PRKCB: variants seen among roughly 807,000 people sequenced by gnomAD.
The protein encoded by PRKCB is protein kinase C beta type.
In PRKCB, 13 loss-of-function variants were observed where a neutral mutation model predicts 81.5. That is an observed-to-expected ratio of 0.16 (90% CI 0.10 to 0.25). The LOEUF is 0.25. Ranked by LOEUF, PRKCB falls within the 10% of genes least tolerant of loss-of-function variation. The pLI, the probability that PRKCB is intolerant of heterozygous loss-of-function variation, is 1.00. For synonymous variants in PRKCB, 335 were observed against 321.4 expected, an observed-to-expected ratio of 1.04 and a Z score of -0.45; for missense variants, 509 against 875.7, an observed-to-expected ratio of 0.58 and a Z score of 5.29.
chr16:24,214,483 A>G (rs969477789), intron 16 of PRKCB, among the ~76,000 whole-genome samples, 175 bp from the exon 17 acceptor site: 1 of 152,140 alleles, frequency 6.6e-6, no homozygotes, highest in African/African-American at 2.4e-5. Context: ...GGTCATGAGA[A>G]TTTTGCATTT....
chr16:24,174,190 T>G (rs968298972), intron 11 of PRKCB: 2 of 208,208 alleles, frequency 9.6e-6, no homozygotes, highest in African/African-American at 2.3e-5. Flanking sequence ...TTTTCTTTTA[T>G]TTTTAGTAGA....
At position 24,071,873 on chromosome 16, in the gene PRKCB, G is replaced by T. The variant is rs542496681; in HGVS notation, c.530-20918G>T. On this transcript the variant is annotated intron_variant, in intron 5 of 16. Transcript: ENST00000643927. The stretch of plus-strand genomic sequence containing the variant: ...CAGTAACCATGCCCAAGCCTTTGTG[G>T]AGTTAATGATCACAGTGGACACATT... 2.0e-5 allele frequency among the ~76,000 whole-genome samples: 3 copies of T among 152,234 alleles called. No individual in the cohort carries two copies. The East Asian group carries it at 5.8e-4, about 29-fold the overall frequency.
At chr16:24,146,597 G>A (rs1479858509) in intron 9 of PRKCB, among the ~76,000 whole-genome samples, 3 of 152,160 alleles carry the variant, frequency 2.0e-5, no homozygotes, top group South Asian at 4.1e-4. Context: ...GTCAGGGGCC[G>A]AGATTCCAGG....
intron 5 of PRKCB, among the ~76,000 whole-genome samples, chr16:24,058,509 T>G (rs1295938959): frequency 2.0e-5 from 3 of 152,142 alleles, no homozygotes; most frequent in Non-Finnish European, 4.4e-5. Flanking sequence ...GTAACCTTCA[T>G]GCCCTGTGAA....
chr16:24,180,682 G>A (rs1044016773), intron 12 of PRKCB, 108 bp from the exon 13 acceptor site: 8 of 1,348,092 alleles, frequency 5.9e-6, no homozygotes, highest in Non-Finnish European at 8.3e-6. Context: ...ACTGACCTTT[G>A]TGCCCACACA....
chr16:23,846,523 T>C (rs1177763259), intron 2 of PRKCB, among the ~76,000 whole-genome samples: 1 of 139,982 alleles, frequency 7.1e-6, no homozygotes, highest in Non-Finnish European at 1.5e-5. Flanking sequence ...GGCAGGAGAA[T>C]CGCTTGAACC....
At chr16:24,116,220 A>C (rs1202439293) in intron 8 of PRKCB, among the ~76,000 whole-genome samples, 1 of 152,088 alleles carries the variant, frequency 6.6e-6, no homozygotes, top group Non-Finnish European at 1.5e-5. Context: ...GTTTGTTGAA[A>C]GAAACAAACT....
intron 5 of PRKCB, among the ~76,000 whole-genome samples, chr16:24,043,626 A>G (rs1283936143): frequency 6.6e-6 from 1 of 152,114 alleles, no homozygotes; most frequent in Non-Finnish European, 1.5e-5. Flanking sequence ...GGGATACTGG[A>G]CCTAAGGAGA....
intron 5 of PRKCB, among the ~76,000 whole-genome samples, chr16:24,087,406 C>G (rs1423047531): frequency 2.0e-5 from 3 of 152,222 alleles, no homozygotes; most frequent in Non-Finnish European, 4.4e-5. Context: ...ATATTATTTA[C>G]TGTTTCCCCC....
intron 16 of PRKCB, among the ~76,000 whole-genome samples, chr16:24,208,757 G>A (rs1256576953): frequency 6.6e-6 from 1 of 152,146 alleles, no homozygotes; most frequent in Non-Finnish European, 1.5e-5. Flanking sequence ...AACTGATCTG[G>A]GCTGTGTCTC....
intron 4 of PRKCB, 142 bp downstream of exon 4, chr16:24,032,389 A>G (rs1965561331): frequency 1.7e-6 from 1 of 580,792 alleles, no homozygotes; most frequent in Non-Finnish European, 3.0e-6. Flanking sequence ...CTGTTGCTGC[A>G]TAATGATCCT....
chr16:24,038,327 C>G (rs1002906318), intron 5 of PRKCB, among the ~76,000 whole-genome samples: 1 of 152,240 alleles, frequency 6.6e-6, no homozygotes, highest in Non-Finnish European at 1.5e-5. Context: ...TAGTGAGACC[C>G]TGGCATATTG....
intron 2 of PRKCB, among the ~76,000 whole-genome samples, chr16:23,979,008 A>C (rs1312926826): frequency 1.3e-5 from 2 of 152,146 alleles, no homozygotes; most frequent in African/African-American, 4.8e-5. Flanking sequence ...TCAGAAGGTG[A>C]TTTTTCCAGG....
chr16:24,005,503 C>T (rs1965104361), intron 3 of PRKCB, among the ~76,000 whole-genome samples: 1 of 152,182 alleles, frequency 6.6e-6, no homozygotes, highest in African/African-American at 2.4e-5. Flanking sequence ...GAGGACCAAA[C>T]TTGAGTGGCG....
intron 2 of PRKCB, among the ~76,000 whole-genome samples, chr16:23,879,720 C>T (rs1963075871): frequency 6.6e-6 from 1 of 152,122 alleles, no homozygotes; most frequent in Admixed American, 6.5e-5. Context: ...TCTCGAGCTC[C>T]TGACCTCAAG....
chr16:24,114,238 C>A (rs1248922403), intron 8 of PRKCB, among the ~76,000 whole-genome samples: 6 of 138,256 alleles, frequency 4.3e-5, no homozygotes, highest in Non-Finnish European at 7.9e-5. Context: ...CGGCTCACTG[C>A]AGCCTGGGCA....
At chr16:24,174,474 G>A in intron 11 of PRKCB, 44 bp from the exon 12 acceptor site, 1 of 1,547,056 alleles carries the variant, frequency 6.5e-7, no homozygotes, top group Non-Finnish European at 8.9e-7. Flanking sequence ...AGCATATGGT[G>A]TCCTTGAGTT....
chr16:24,000,697 C>T (rs918553452), intron 3 of PRKCB, among the ~76,000 whole-genome samples: 1 of 152,216 alleles, frequency 6.6e-6, no homozygotes, highest in Non-Finnish European at 1.5e-5. Flanking sequence ...ATTTCCATTG[C>T]TCCACCTAGG....
At chr16:24,063,442 G>A (rs1474506155) in intron 5 of PRKCB, among the ~76,000 whole-genome samples, 1 of 151,894 alleles carries the variant, frequency 6.6e-6, no homozygotes, top group African/African-American at 2.4e-5. Flanking sequence ...TTACAGGCGT[G>A]TGCCACCATG....
Sources: allele counts gnomAD v4.1 joint callset (sites outside exome capture counted in the v4.1 genomes callset), GRCh38; gene constraint gnomAD v4.1.1; transcripts MANE v1.5; gene names NCBI Gene and HGNC (gene_info 2026-07-23, HGNC 2026-07-21).